PRKAG2: variants seen among roughly 807,000 people sequenced by gnomAD.
PRKAG2 encodes 5'-AMP-activated protein kinase subunit gamma-2.
Under a neutral mutation model 69.6 loss-of-function variants are expected in PRKAG2, and 26 were observed. That is an observed-to-expected ratio of 0.37 (90% CI 0.27 to 0.52). The LOEUF (loss-of-function observed/expected upper bound fraction) is 0.52, where lower values mean the gene tolerates loss of function less well. PRKAG2 is among the 20% of genes least tolerant of loss of function. The probability of loss-of-function intolerance (pLI) is 0.90; values close to 1 mark genes in which losing one functional copy is unlikely to be tolerated. For synonymous variants in PRKAG2, 293 were observed against 285.0 expected (o/e 1.03, Z -0.28); for missense variants, 557 against 740.0 (o/e 0.75, Z 2.87).
intron 3 of PRKAG2, chr7:151,734,167 C>T (rs1193624995): frequency 1.3e-5 from 2 of 152,224 alleles, no homozygotes; most frequent in African/African-American, 2.4e-5. Flanking sequence ...GAGGACTCAG[C>T]ACAATCTGAG....
At chr7:151,858,706 G>A (rs996849260) in intron 1 of PRKAG2, among the ~76,000 whole-genome samples, 6 of 152,178 alleles carry the variant, frequency 3.9e-5, no homozygotes, top group South Asian at 2.1e-4. Flanking sequence ...GCCGTTTCTC[G>A]GCTTCCTGTG....
At chr7:151,650,307 A>C (rs1828272980) in intron 4 of PRKAG2, among the ~76,000 whole-genome samples, 1 of 151,870 alleles carries the variant, frequency 6.6e-6, no homozygotes, top group Non-Finnish European at 1.5e-5. Context: ...GTCTCAAAAA[A>C]AAAAAAAATT....
At chr7:151,733,790 G>C (rs896004101) in intron 3 of PRKAG2, among the ~76,000 whole-genome samples, 1 of 151,724 alleles carries the variant, frequency 6.6e-6, no homozygotes, top group East Asian at 1.9e-4. Flanking sequence ...TCCCCTCCCA[G>C]GCTCAAGCGA....
intron 4 of PRKAG2, among the ~76,000 whole-genome samples, chr7:151,661,979 T>C (rs1037991465): frequency 7.6e-4 from 116 of 152,324 alleles, no homozygotes; most frequent in Non-Finnish European, 1.5e-3. Flanking sequence ...CTCATCTAAA[T>C]GCAAATCAAG....
At chr7:151,680,364 A>G (rs935160218) in intron 3 of PRKAG2, among the ~76,000 whole-genome samples, 3 of 152,216 alleles carry the variant, frequency 2.0e-5, no homozygotes, top group African/African-American at 4.8e-5. Context: ...GGCAGCCACC[A>G]TTCCTGTCGG....
chr7:151,792,010 T>C (rs1383742939), intron 1 of PRKAG2, among the ~76,000 whole-genome samples: 2 of 152,216 alleles, frequency 1.3e-5, no homozygotes, highest in African/African-American at 4.8e-5. Flanking sequence ...AGCAAGCATG[T>C]CCTGTAACCA....
chr7:151,564,315 A>C, intron 13 of PRKAG2, 91 bp from the exon 14 acceptor site: 4 of 1,430,498 alleles, frequency 2.8e-6, no homozygotes, highest in Non-Finnish European at 3.9e-6. Flanking sequence ...CTGATTTCTA[A>C]AAACTTTAAT....
intron 15 of PRKAG2, chr7:151,559,385 G>A (rs1804431378): frequency 2.0e-6 from 2 of 985,398 alleles, no homozygotes; most frequent in Non-Finnish European, 2.4e-6. Context: ...GTGAGATTCA[G>A]GTCTTTTAAA....
In PRKAG2 at chr7:151,699,392, T is replaced by C. The variant is rs1837285552; in HGVS notation, c.467-23755A>G. 6.6e-6 allele frequency among the ~76,000 whole-genome samples: 1 copy of C among 152,146 alleles called. No homozygotes were observed. Among genetic ancestry groups the C allele is most frequent in the South Asian group, 2.1e-4 (1 of 4,824 alleles). Reference sequence around the variant, plus strand: ...ACGATCCGGTTACATCTCAGCCCCCTGCTGAGAAAGAGGCGCTAAGGTGGC... The same window carrying C: ...ACGATCCGGTTACATCTCAGCCCCCCGCTGAGAAAGAGGCGCTAAGGTGGC... On this transcript the variant is annotated intron_variant, in intron 3 of 15. Coordinates refer to ENST00000287878, the MANE Select transcript of PRKAG2 (RefSeq NM_016203.4). This position sits in a 1 kb window ranked among gnomAD's most constrained non-coding sequence, Gnocchi z 4.5.
chr7:151,576,264 A>G (rs1808901927), intron 7 of PRKAG2, 107 bp downstream of exon 7: 1 of 1,075,256 alleles, frequency 9.3e-7, no homozygotes, highest in Admixed American at 2.0e-5. Context: ...TTTAACTTGG[A>G]AACATGTTTA....
At chr7:151,832,264 GA>G (rs1563737889) in intron 1 of PRKAG2, among the ~76,000 whole-genome samples, 8 of 125,950 alleles carry the variant, frequency 6.4e-5, no homozygotes, top group African/African-American at 3.0e-4. Context: ...AGGAGGGAAG[GA>G]AGGGAGGAGG....
At chr7:151,860,282 C>CTGGG (rs1367962961) in intron 1 of PRKAG2, among the ~76,000 whole-genome samples, 1 of 152,242 alleles carries the variant, frequency 6.6e-6, no homozygotes, top group Non-Finnish European at 1.5e-5. Flanking sequence ...AGACCACAGG[C>CTGGG]TGGGCATGCT....
At chr7:151,847,715 T>G (rs1454994685) in intron 1 of PRKAG2, among the ~76,000 whole-genome samples, 1 of 152,246 alleles carries the variant, frequency 6.6e-6, no homozygotes, top group African/African-American at 2.4e-5. Context: ...GCTCCCAGCC[T>G]GGGCACCTGA....
At chr7:151,595,585 GCCAGGCAAGGATGCTCACTCT>G (rs1051259697) in intron 5 of PRKAG2, 131 bp from the exon 6 acceptor site, 27 of 714,936 alleles carry the variant, frequency 3.8e-5, no homozygotes, top group African/African-American at 2.3e-4. Context: ...ATGATCAAGG[GCCAGGCAAGGATGCTCACTCT>G]CACTAATTCT....
chr7:151,716,123 A>G (rs1331273422), intron 3 of PRKAG2, among the ~76,000 whole-genome samples: 1 of 152,170 alleles, frequency 6.6e-6, no homozygotes, highest in Non-Finnish European at 1.5e-5. Context: ...TAAGTGCTGG[A>G]GATTTGCCTA....
At chr7:151,631,701 G>A (rs1585364429) in intron 5 of PRKAG2, 2 of 460,026 alleles carry the variant, frequency 4.3e-6, no homozygotes, top group African/African-American at 2.0e-5. Context: ...TGGACTGTGG[G>A]TATGATTCGG....
intron 3 of PRKAG2, among the ~76,000 whole-genome samples, chr7:151,689,979 G>C (rs1344895296): frequency 1.3e-5 from 2 of 152,198 alleles, no homozygotes; most frequent in African/African-American, 4.8e-5. Flanking sequence ...CTCCACGGAG[G>C]AGGAAGAGAA....
At chr7:151,834,300 A>G (rs536887397) in intron 1 of PRKAG2, among the ~76,000 whole-genome samples, 1 of 152,314 alleles carries the variant, frequency 6.6e-6, no homozygotes, top group Non-Finnish European at 1.5e-5. Context: ...CTGAGCCACA[A>G]TTTTTGGTAA....
chr7:151,848,040 C>T lies in PRKAG2; in HGVS notation c.114+28467G>A, dbSNP rs531709508. Among the ~76,000 whole-genome samples, 10 of 152,338 alleles carry T rather than the reference C, an allele frequency of 6.6e-5. No homozygotes were observed. The South Asian group carries it at 1.2e-3, about 19-fold the overall frequency. On this transcript the variant is annotated intron_variant, in intron 1 of 15. Coordinates refer to ENST00000287878, the MANE Select transcript of PRKAG2 (RefSeq NM_016203.4). ...CCGTGGCCCAGCGGCTTTTAAACTA[C>T]GCCACCCCTCCCTCCTGCACTGTGA...
Sources: allele counts gnomAD v4.1 joint callset (sites outside exome capture counted in the v4.1 genomes callset), GRCh38; gene constraint gnomAD v4.1.1; non-coding constraint Gnocchi (gnomAD v3.1); transcripts MANE v1.5; gene names NCBI Gene and HGNC (gene_info 2026-07-23, HGNC 2026-07-21).